The following FRMD4B variants were observed in gnomAD, a reference collection of about 807,000 sequenced individuals.
The protein encoded by FRMD4B is FERM domain containing 4B.
Under a neutral mutation model 141.5 loss-of-function variants are expected in FRMD4B, and 74 were observed. That is an observed-to-expected ratio of 0.52 (90% CI 0.43 to 0.63). FRMD4B has a LOEUF of 0.63. FRMD4B is among the 30% of genes least tolerant of loss of function. The pLI is 0.00. For missense variants in FRMD4B, 1,366 were observed against 1,253.4 expected, an observed-to-expected ratio of 1.09 and a Z score of -1.36; for synonymous variants, 506 against 467.9, an observed-to-expected ratio of 1.08 and a Z score of -1.05.
chr3:69,367,056 C>T (rs375414443), intron 1 of FRMD4B, among the ~76,000 whole-genome samples: 45 of 152,168 alleles, frequency 3.0e-4, no homozygotes, highest in East Asian at 2.7e-3. Flanking sequence ...TATGAGCCAC[C>T]GTGCCAAGTG....
intron 11 of FRMD4B, among the ~76,000 whole-genome samples, chr3:69,205,844 T>C (rs2093019839): frequency 6.6e-6 from 1 of 152,180 alleles, no homozygotes; most frequent in African/African-American, 2.4e-5. Flanking sequence ...GATTTAACAA[T>C]TTTTACTCTG....
chr3:69,391,517 C>A (rs537444663), intron 2 of FRMD4B, among the ~76,000 whole-genome samples: 1 of 151,184 alleles, frequency 6.6e-6, no homozygotes, highest in Non-Finnish European at 1.5e-5. Context: ...TCTGTCCTTG[C>A]GATAGTTTGC....
chr3:69,209,358 C>T (rs2093054356), intron 11 of FRMD4B, among the ~76,000 whole-genome samples: 1 of 152,050 alleles, frequency 6.6e-6, no homozygotes, highest in Non-Finnish European at 1.5e-5. Context: ...ATTCTAATTG[C>T]GATCAACTAT....
chr3:69,375,365 C>T (rs1386014585), intron 1 of FRMD4B, among the ~76,000 whole-genome samples: 1 of 152,086 alleles, frequency 6.6e-6, no homozygotes, highest in Non-Finnish European at 1.5e-5. Context: ...ATTGGTCCAT[C>T]CATATAACAT....
At chr3:69,474,427 T>C (rs939266598) in intron 1 of FRMD4B, among the ~76,000 whole-genome samples, 14 of 152,104 alleles carry the variant, frequency 9.2e-5, no homozygotes, top group Non-Finnish European at 2.9e-5. Flanking sequence ...CTTCCTCATA[T>C]TATTGTTCTA....
At chr3:69,280,039 A>T (rs1393061694) in intron 5 of FRMD4B, among the ~76,000 whole-genome samples, 2 of 152,134 alleles carry the variant, frequency 1.3e-5, no homozygotes, top group African/African-American at 2.4e-5. Flanking sequence ...GCTGATTACT[A>T]AAATCACAGA....
At chr3:69,220,046 T>G (rs2093179228) in intron 9 of FRMD4B, among the ~76,000 whole-genome samples, 1 of 152,202 alleles carries the variant, frequency 6.6e-6, no homozygotes. Context: ...GTTGATTCCA[T>G]GTCTTAAGCA....
chr3:69,463,242 G>T, intron 1 of FRMD4B, among the ~76,000 whole-genome samples: 1 of 152,298 alleles, frequency 6.6e-6, no homozygotes, highest in Middle Eastern at 3.4e-3. Context: ...TCAGTATCAA[G>T]CTTTACCTGT....
intron 2 of FRMD4B, among the ~76,000 whole-genome samples, chr3:69,430,766 CG>C (rs1705165714): frequency 6.6e-6 from 1 of 152,298 alleles, no homozygotes; most frequent in African/African-American, 2.4e-5. Context: ...GCCCTCATTG[CG>C]TATCTGTGCA....
chr3:69,310,376 G>A, intron 3 of FRMD4B: 2 of 435,248 alleles, frequency 4.6e-6, no homozygotes, highest in Non-Finnish European at 9.4e-6. Flanking sequence ...AAAGAATGCT[G>A]GATGGTTGGC....
intron 11 of FRMD4B, chr3:69,200,369 A>G: frequency 1.1e-6 from 1 of 917,896 alleles, no homozygotes. Flanking sequence ...AAAGTTACAT[A>G]CCCATTTCTT....
At chr3:69,518,428 C>T (rs1575598270) in intron 1 of FRMD4B, among the ~76,000 whole-genome samples, 2 of 152,132 alleles carry the variant, frequency 1.3e-5, no homozygotes, top group Middle Eastern at 3.4e-3. Flanking sequence ...GAAATGTCTC[C>T]CATTCTGATG....
chr3:69,184,309 A>G (rs1365709574), intron 19 of FRMD4B, among the ~76,000 whole-genome samples: 1 of 152,236 alleles, frequency 6.6e-6, no homozygotes, highest in East Asian at 1.9e-4. Context: ...ATAAACATAC[A>G]TATTTATTTT....
intron 1 of FRMD4B, among the ~76,000 whole-genome samples, chr3:69,354,692 T>A (rs1218532661): frequency 6.6e-6 from 1 of 152,052 alleles, no homozygotes; most frequent in East Asian, 1.9e-4. Context: ...AAATATAGGG[T>A]GGGGTACCTC....
intron 1 of FRMD4B, among the ~76,000 whole-genome samples, chr3:69,437,423 G>A (rs1705276055): frequency 6.8e-6 from 1 of 147,536 alleles, no homozygotes; most frequent in South Asian, 2.1e-4. Context: ...ATGTATGTGT[G>A]TATATATACA....
intron 4 of FRMD4B, among the ~76,000 whole-genome samples, chr3:69,299,171 G>A (rs1341801316): frequency 6.6e-6 from 1 of 152,052 alleles, no homozygotes; most frequent in Non-Finnish European, 1.5e-5. Context: ...AATGAAGGAA[G>A]GAAGAAATGT....
chr3:69,239,649 A>T (rs1193666774), intron 7 of FRMD4B, among the ~76,000 whole-genome samples: 1 of 152,186 alleles, frequency 6.6e-6, no homozygotes, highest in Non-Finnish European at 1.5e-5. Context: ...ATTCATAGAG[A>T]CAGAAAGTAG....
At chr3:69,407,813 T>C (rs983152520) in intron 2 of FRMD4B, among the ~76,000 whole-genome samples, 8 of 152,206 alleles carry the variant, frequency 5.3e-5, no homozygotes, top group South Asian at 2.1e-4. Flanking sequence ...ATTTCTTTCA[T>C]TGAGAGGGAA....
chr3:69,245,340 TGTGTG>T, intron 7 of FRMD4B, among the ~76,000 whole-genome samples: 1 of 148,168 alleles, frequency 6.7e-6, no homozygotes, highest in African/African-American at 2.7e-5. Flanking sequence ...TGTGTGTGTG[TGTGTG>T]TGTGTGTGTT....
Sources: gnomAD v4.1 joint callset for allele counts (sites outside exome capture counted in the v4.1 genomes callset) on GRCh38, gnomAD v4.1.1 for gene constraint, MANE v1.5 for transcripts, NCBI Gene and HGNC (gene_info 2026-07-23, HGNC 2026-07-21) for gene names.